GTF2H3: variants seen among roughly 807,000 people sequenced by gnomAD.
The protein encoded by GTF2H3 is TFIIH basal transcription factor complex p34 subunit.
In GTF2H3, 42 loss-of-function variants were observed where a neutral mutation model predicts 51.1. That is an observed-to-expected ratio of 0.82 (90% CI 0.64 to 1.06). GTF2H3 has a LOEUF of 1.06. Among genes scored for constraint, GTF2H3 ranks in the 50% least tolerant of loss-of-function variants. The probability of loss-of-function intolerance (pLI) is 0.00; values close to 1 mark genes in which losing one functional copy is unlikely to be tolerated. For synonymous variants in GTF2H3, 123 were observed against 123.8 expected, an observed-to-expected ratio of 0.99 and a Z score of 0.04; for missense variants, 326 against 366.1, an observed-to-expected ratio of 0.89 and a Z score of 0.89.
intron 2 of GTF2H3, among the ~76,000 whole-genome samples, chr12:123,644,154 T>A (rs1955415522): frequency 6.6e-6 from 1 of 152,118 alleles, no homozygotes; most frequent in Non-Finnish European, 1.5e-5. Context: ...CTGAAGTATT[T>A]ATTTAAGAGA....
intron 8 of GTF2H3, 161 bp from the exon 9 acceptor site, chr12:123,655,610 C>T (rs1370937852): frequency 8.9e-6 from 5 of 562,272 alleles, no homozygotes; most frequent in Non-Finnish European, 1.3e-5. Flanking sequence ...CAGCCATGTC[C>T]TGGGTGCTTC....
rs529377445 is a variant in GTF2H3, at chr12:123,633,930, A to G, written c.13+58A>G. ...GGGGCTCGGCTGTCTCGGTCCGGCTACGACTGGCCAGATGGAATGTGTCTT... is the reference window on the plus strand; with the variant it reads ...GGGGCTCGGCTGTCTCGGTCCGGCTGCGACTGGCCAGATGGAATGTGTCTT... On this transcript the variant is annotated intron_variant, in intron 1 of 12. Coordinates refer to ENST00000543341, the MANE Select transcript of GTF2H3 (RefSeq NM_001516.5). 6 of 1,578,318 alleles carry G rather than the reference A, an allele frequency of 3.8e-6. No individual in the cohort carries two copies. In the Admixed American group the frequency reaches 5.0e-5, roughly 13 times the overall value.
chr12:123,644,405 C>T (rs1222829066), intron 2 of GTF2H3, among the ~76,000 whole-genome samples: 2 of 152,090 alleles, frequency 1.3e-5, no homozygotes, highest in Admixed American at 6.6e-5. Context: ...TGGTGGCTCA[C>T]GCCTGTAATC....
intron 9 of GTF2H3, chr12:123,656,044 A>C (rs1462937303): frequency 2.5e-6 from 1 of 407,936 alleles, no homozygotes; most frequent in East Asian, 3.7e-5. Flanking sequence ...ACTAAAAGAC[A>C]AAAACTGAAT....
chr12:123,642,317 T>C (rs1276252911), intron 2 of GTF2H3, among the ~76,000 whole-genome samples: 1 of 151,990 alleles, frequency 6.6e-6, no homozygotes, highest in Non-Finnish European at 1.5e-5. Flanking sequence ...ATTTCAGGCA[T>C]GCACCACCAC....
intron 2 of GTF2H3, chr12:123,639,887 A>ATTCG: frequency 3.1e-6 from 1 of 321,426 alleles, no homozygotes; most frequent in South Asian, 2.2e-5. Context: ...ACTTGTGTGT[A>ATTCG]TGCGTGCGTG....
intron 2 of GTF2H3, among the ~76,000 whole-genome samples, chr12:123,640,985 G>A (rs1015609431): frequency 1.3e-5 from 2 of 152,008 alleles, no homozygotes; most frequent in African/African-American, 2.4e-5. Context: ...CTAGTGAAGT[G>A]TTCTATAAAT....
chr12:123,650,859 T>C, intron 4 of GTF2H3, 135 bp from the exon 5 acceptor site: 5 of 614,750 alleles, frequency 8.1e-6, no homozygotes, highest in Middle Eastern at 3.5e-4. Context: ...AAACCTAGTT[T>C]GAAAATGTCT....
At chr12:123,656,567 T>A (rs1955589881) in intron 9 of GTF2H3, among the ~76,000 whole-genome samples, 1 of 152,192 alleles carries the variant, frequency 6.6e-6, no homozygotes, top group Non-Finnish European at 1.5e-5. Flanking sequence ...ATCAGCCGTG[T>A]ACGTAGTACC....
intron 1 of GTF2H3, among the ~76,000 whole-genome samples, chr12:123,635,742 T>A (rs1289206300): frequency 6.6e-6 from 1 of 152,214 alleles, no homozygotes; most frequent in Non-Finnish European, 1.5e-5. Flanking sequence ...TATCCTAGGA[T>A]TAGCAAATTC....
At chr12:123,641,372 T>C (rs765959327) in intron 2 of GTF2H3, among the ~76,000 whole-genome samples, 1 of 151,616 alleles carries the variant, frequency 6.6e-6, no homozygotes, top group Non-Finnish European at 1.5e-5. Context: ...ACCACAGGCG[T>C]GTACCACCAC....
At chr12:123,659,652 A>G (rs973360090) in intron 10 of GTF2H3, 68 bp downstream of exon 10, 10 of 1,543,870 alleles carry the variant, frequency 6.5e-6, no homozygotes, top group Admixed American at 1.7e-5. Flanking sequence ...TGGGAAAGGA[A>G]TGGAAGCAAG....
At chr12:123,637,040 G>A (rs1188378431) in intron 1 of GTF2H3, among the ~76,000 whole-genome samples, 1 of 152,134 alleles carries the variant, frequency 6.6e-6, no homozygotes, top group Non-Finnish European at 1.5e-5. Context: ...AGCTATATTC[G>A]TGGCACTGTA....
intron 7 of GTF2H3, 34 bp downstream of exon 7, chr12:123,652,769 C>G: frequency 6.9e-7 from 1 of 1,451,050 alleles, no homozygotes; most frequent in Non-Finnish European, 9.3e-7. Context: ...TTTTATATGA[C>G]AACTATAATT....
At chr12:123,647,077 C>T (rs372997909) in intron 3 of GTF2H3, among the ~76,000 whole-genome samples, 7 of 147,772 alleles carry the variant, frequency 4.7e-5, no homozygotes, top group Admixed American at 6.9e-5. Flanking sequence ...GTCGTGAACC[C>T]GGGAGGTGGA....
rs752021939 is a variant in GTF2H3, at chr12:123,659,930, A to G, written c.820A>G (p.Ile274Val). The G allele has an allele frequency of 5.6e-6, 9 of 1,612,738 alleles. No individual in the cohort carries two copies. Among genetic ancestry groups the G allele is most frequent in the Non-Finnish European group, 6.8e-6 (8 of 1,179,756 alleles). The change falls in exon 11 of 13, where the codon ATA (isoleucine) becomes GTA (valine). Residue 274 changes from isoleucine to valine, a missense_variant and splice_region_variant. Coordinates refer to ENST00000543341, the MANE Select transcript of GTF2H3 (RefSeq NM_001516.5). ...IGYVCSVCLS[I>V]FCNFSPICTT... ...TTATGTCTGTTCTGTGTGTTTGTCAAGTAAGTTAATGTACCTAGTTTTTCT... is the reference window on the plus strand; with the variant it reads ...TTATGTCTGTTCTGTGTGTTTGTCAGGTAAGTTAATGTACCTAGTTTTTCT...
intron 9 of GTF2H3, among the ~76,000 whole-genome samples, chr12:123,659,170 A>G (rs1468853117): frequency 6.6e-6 from 1 of 152,182 alleles, no homozygotes; most frequent in Non-Finnish European, 1.5e-5. Flanking sequence ...TTAAGCATAG[A>G]ATTACCATGT....
At chr12:123,638,834 G>T (rs900339959) in intron 1 of GTF2H3, among the ~76,000 whole-genome samples, 1 of 130,280 alleles carries the variant, frequency 7.7e-6, no homozygotes, top group Admixed American at 8.7e-5. Context: ...CTTGTTCTGT[G>T]GCCCAGGCTG....
At chr12:123,644,664 CAA>C (rs1252301848) in intron 2 of GTF2H3, among the ~76,000 whole-genome samples, 7 of 116,438 alleles carry the variant, frequency 6.0e-5, no homozygotes, top group Admixed American at 9.0e-5. Flanking sequence ...GACTCCATCT[CAA>C]AAAAAAAAAA....
Sources: gnomAD v4.1 joint callset for allele counts (sites outside exome capture counted in the v4.1 genomes callset) on GRCh38, gnomAD v4.1.1 for gene constraint, MANE v1.5 for transcripts, NCBI Gene and HGNC (gene_info 2026-07-23, HGNC 2026-07-21) for gene names.